Variants in RAP1GAP2 observed in about 807,000 individuals in gnomAD.
The protein encoded by RAP1GAP2 is rap1 GTPase-activating protein 2.
A neutral mutation model predicts 95.0 loss-of-function variants in RAP1GAP2; 27 were observed. The ratio of observed to expected loss-of-function variants is 0.28; its 90% CI spans 0.21 to 0.39. The LOEUF is 0.39. Among genes scored for constraint, RAP1GAP2 ranks in the 10% least tolerant of loss-of-function variants. The pLI is 1.00. For synonymous variants in RAP1GAP2, 373 were observed against 380.9 expected, an observed-to-expected ratio of 0.98 and a Z score of 0.24; for missense variants, 771 against 970.0, an observed-to-expected ratio of 0.79 and a Z score of 2.72.
intron 1 of RAP1GAP2, among the ~76,000 whole-genome samples, chr17:2,761,351 T>A (rs1169090606): frequency 6.6e-6 from 1 of 150,390 alleles, no homozygotes; most frequent in Non-Finnish European, 1.5e-5. Context: ...TGCAATGGTG[T>A]GATCTCAGCT....
At chr17:2,826,509 G>A (rs2070573131) in intron 2 of RAP1GAP2, among the ~76,000 whole-genome samples, 1 of 151,978 alleles carries the variant, frequency 6.6e-6, no homozygotes, top group Non-Finnish European at 1.5e-5. Context: ...AGCGGGATGG[G>A]GGAACCGCCT....
intron 2 of RAP1GAP2, among the ~76,000 whole-genome samples, chr17:2,813,111 G>A (rs1320868830): frequency 2.0e-5 from 3 of 147,980 alleles, no homozygotes; most frequent in East Asian, 2.0e-4. Flanking sequence ...TCGCCCTGTC[G>A]CCCAGGCTGG....
In RAP1GAP2 at chr17:2,988,836, C is replaced by T. The variant is rs956397842; in HGVS notation, c.814-2461C>T. Among the ~76,000 whole-genome samples, 6 of 152,064 alleles carry T rather than the reference C, an allele frequency of 3.9e-5. No individual in the cohort carries two copies. The East Asian group carries it at 9.6e-4, about 24-fold the overall frequency. The stretch of plus-strand genomic sequence containing the variant: ...CAGCACTTTGGGAGGCCGAGGTGGG[C>T]GGATCACGAGGTCAGGAGATTGAGA... On this transcript the variant is annotated intron_variant, in intron 11 of 24. Transcript: ENST00000254695.
upstream of RAP1GAP2, among the ~76,000 whole-genome samples, chr17:2,773,632 A>G (rs1204470059): frequency 6.6e-6 from 1 of 152,208 alleles, no homozygotes; most frequent in Admixed American, 6.5e-5. Flanking sequence ...TTGGGACCCA[A>G]AGTGCCCTGG....
rs1026591936 is a variant in RAP1GAP2 at position 2,963,655 on chromosome 17, C to T, written c.279+193C>T. On this transcript the variant is annotated intron_variant, in intron 6 of 24. Coordinates refer to ENST00000254695, the MANE Select transcript of RAP1GAP2 (RefSeq NM_015085.5). This position sits in a 1 kb window ranked among gnomAD's most constrained non-coding sequence, Gnocchi z 4.8. The stretch of plus-strand genomic sequence containing the variant: ...GTTGGGGGTGCTCATCTAGGCCTTT[C>T]AGCCCTGGGGCTACAGGGTTGGCGA... Among the ~76,000 whole-genome samples the T allele has an allele frequency of 1.3e-5, 2 of 152,196 alleles. No individual in the cohort carries two copies. The highest frequency in any genetic ancestry group is 2.9e-5 in the Non-Finnish European group (2 of 68,036).
chr17:2,890,014 G>A (rs753760988), intron 2 of RAP1GAP2, among the ~76,000 whole-genome samples: 4 of 150,346 alleles, frequency 2.7e-5, no homozygotes, highest in African/African-American at 4.9e-5. Flanking sequence ...GTGAGCCCCC[G>A]CACTGGCCTG....
intron 8 of RAP1GAP2, among the ~76,000 whole-genome samples, chr17:2,969,189 A>C (rs896740588): frequency 1.4e-5 from 2 of 145,844 alleles, no homozygotes; most frequent in African/African-American, 2.4e-5. Flanking sequence ...CTATATATAT[A>C]TATATCTGTT....
At position 2,904,263 on chromosome 17, in the gene RAP1GAP2, G is replaced by A. The variant is rs1479891783; in HGVS notation, c.81-1021G>A. ...GGCTCTGCCCAGCTGGCCCTGTTGT[G>A]CAGCCGTGGCTCTGAAGGCTGATCC... On this transcript the variant is annotated intron_variant, in intron 2 of 24. Coordinates refer to ENST00000254695, the MANE Select transcript of RAP1GAP2 (RefSeq NM_015085.5). This position sits in a 1 kb window ranked among gnomAD's most constrained non-coding sequence, Gnocchi z 4.7. Among the ~76,000 whole-genome samples, 2 of 152,130 alleles carry A rather than the reference G, an allele frequency of 1.3e-5. No individual in the cohort carries two copies. Among genetic ancestry groups the A allele is most frequent in the Non-Finnish European group, 2.9e-5 (2 of 68,032 alleles).
At chr17:2,927,362 C>T (rs1057043782) in intron 3 of RAP1GAP2, among the ~76,000 whole-genome samples, 11 of 151,654 alleles carry the variant, frequency 7.3e-5, no homozygotes, top group Non-Finnish European at 1.5e-4. Context: ...ACCGTGTTAG[C>T]CAGGATGGTC....
intron 8 of RAP1GAP2, among the ~76,000 whole-genome samples, chr17:2,978,952 A>AAATT (rs1218559499): frequency 2.0e-5 from 2 of 102,084 alleles, no homozygotes; most frequent in Non-Finnish European, 4.5e-5. Flanking sequence ...ATAAATAAAT[A>AAATT]AATAGGCAAC....
chr17:2,929,188 G>A (rs1298265130), intron 3 of RAP1GAP2, among the ~76,000 whole-genome samples: 2 of 152,154 alleles, frequency 1.3e-5, no homozygotes, highest in Admixed American at 6.5e-5. Flanking sequence ...AACCATGATC[G>A]CGCCACTGTA....
Position 3,035,736 on chromosome 17 carries a change from G to C in RAP1GAP2, c.*2375G>C, listed in dbSNP as rs549597457. 228 of 152,480 alleles carry C rather than the reference G, an allele frequency of 1.5e-3. No individual in the cohort carries two copies. The highest frequency in any genetic ancestry group is 5.1e-3 in the African/African-American group (213 of 41,588). The allele number at this position is 152,480 out of a possible 1,614,324, so 9.4% of individuals were successfully genotyped here. On this transcript the variant is annotated 3_prime_UTR_variant, in exon 25 of 25. Transcript: ENST00000254695. The surrounding 1 kb of genome is among the most constrained non-coding windows in gnomAD (Gnocchi z 4.3). ...GTGCTGAGAGGGAGGAGGAGAACAA[G>C]GATGGCCCAGCCTCCCCTCCCTCCC...
chr17:3,023,159 T>G (rs1012769441), intron 19 of RAP1GAP2, among the ~76,000 whole-genome samples: 2 of 152,226 alleles, frequency 1.3e-5, no homozygotes, highest in Non-Finnish European at 2.9e-5. Flanking sequence ...ATTGTTGAAT[T>G]CTGTTTGATA....
rs1275465979 is a variant in RAP1GAP2 at position 3,027,468 on chromosome 17, G to A, written c.2107+398G>A. 6.6e-6 allele frequency among the ~76,000 whole-genome samples: 1 copy of A among 152,078 alleles called. No homozygotes were observed. Among genetic ancestry groups the A allele is most frequent in the Non-Finnish European group, 1.5e-5 (1 of 68,016 alleles). On this transcript the variant is annotated intron_variant, in intron 22 of 24. Coordinates refer to ENST00000254695, the MANE Select transcript of RAP1GAP2 (RefSeq NM_015085.5). The surrounding 1 kb of genome is among the most constrained non-coding windows in gnomAD (Gnocchi z 5.2). Reference sequence around the variant, plus strand: ...CATGTCGGGGGTCTTGATAATACAAGACGGGGGAAGGGCTGCAGGGGGAGG... The same window carrying A: ...CATGTCGGGGGTCTTGATAATACAAAACGGGGGAAGGGCTGCAGGGGGAGG...
rs149364193 is a variant in RAP1GAP2, at chr17:2,906,487, G to A, written c.165+1119G>A. Among the ~76,000 whole-genome samples the A allele has an allele frequency of 2.0e-5, 3 of 152,038 alleles. No homozygotes were observed. Among genetic ancestry groups the A allele is most frequent in the African/African-American group, 7.2e-5 (3 of 41,408 alleles). The stretch of plus-strand genomic sequence containing the variant: ...GCGGTGGGCGGGGGGGCAGGACAGG[G>A]TGCAGGGCTGACCAAGGAGAGCTGT... On this transcript the variant is annotated intron_variant, in intron 3 of 24. Transcript: ENST00000254695. The surrounding 1 kb of genome is among the most constrained non-coding windows in gnomAD (Gnocchi z 4.3).
chr17:2,850,749 C>CAA (rs11323119), intron 2 of RAP1GAP2, among the ~76,000 whole-genome samples: 2,051 of 91,152 alleles, frequency 0.023, 58 homozygotes, highest in African/African-American at 0.083. Flanking sequence ...GACTCCACCT[C>CAA]AAAAAAAAAA....
chr17:2,827,643 A>T lies in RAP1GAP2; in HGVS notation c.80+27093A>T, dbSNP rs989700699. On this transcript the variant is annotated intron_variant, in intron 2 of 24. Coordinates refer to ENST00000254695, the MANE Select transcript of RAP1GAP2 (RefSeq NM_015085.5). This position sits in a 1 kb window ranked among gnomAD's most constrained non-coding sequence, Gnocchi z 4.1. ...GATAACATGGTGAAACCCCCTCTCT[A>T]CTAAAAATACAAAAATTAGCCGGGC... 6.6e-6 allele frequency among the ~76,000 whole-genome samples: 1 copy of T among 151,918 alleles called. No homozygotes were observed. Among genetic ancestry groups the T allele is most frequent in the Non-Finnish European group, 1.5e-5 (1 of 67,978 alleles).
chr17:2,916,462 T>C (rs904419356), intron 3 of RAP1GAP2, among the ~76,000 whole-genome samples: 1 of 152,104 alleles, frequency 6.6e-6, no homozygotes, highest in Non-Finnish European at 1.5e-5. Context: ...TCACAAGAGG[T>C]TATTTGCTGA....
chr17:2,972,501 A>T (rs2044906647), intron 8 of RAP1GAP2, among the ~76,000 whole-genome samples: 1 of 151,836 alleles, frequency 6.6e-6, no homozygotes, highest in South Asian at 2.1e-4. Flanking sequence ...ATAATACAAA[A>T]AAATTAGCTG....
Sources: allele counts gnomAD v4.1 joint callset (sites outside exome capture counted in the v4.1 genomes callset), GRCh38; gene constraint gnomAD v4.1.1; non-coding constraint Gnocchi (gnomAD v3.1); transcripts MANE v1.5; gene names NCBI Gene and HGNC (gene_info 2026-07-23, HGNC 2026-07-21).